Variants in PALLD observed in about 807,000 individuals in gnomAD.
The protein encoded by PALLD is palladin, cytoskeletal associated protein.
Under a neutral mutation model 123.5 loss-of-function variants are expected in PALLD, and 61 were observed. That is an observed-to-expected ratio of 0.49 (90% CI 0.40 to 0.61). The LOEUF (loss-of-function observed/expected upper bound fraction) is 0.61, where lower values mean the gene tolerates loss of function less well. PALLD is among the 20% of genes least tolerant of loss of function. PALLD has a pLI of 0.00. For synonymous variants in PALLD, 465 were observed against 496.4 expected, an observed-to-expected ratio of 0.94 and a Z score of 0.84; for missense variants, 1,273 against 1,377.0, an observed-to-expected ratio of 0.92 and a Z score of 1.20.
intron 10 of PALLD, among the ~76,000 whole-genome samples, chr4:168,731,663 C>G (rs1422243706): frequency 6.6e-6 from 1 of 152,238 alleles, no homozygotes; most frequent in African/African-American, 2.4e-5. Context: ...TTGCAAAAAA[C>G]TGTAAGTGAA....
chr4:168,803,034 G>GAAT (rs1315858633), intron 10 of PALLD, among the ~76,000 whole-genome samples: 1 of 152,178 alleles, frequency 6.6e-6, no homozygotes, highest in Non-Finnish European at 1.5e-5. Context: ...AATAATAGGT[G>GAAT]AATAGCAGCC....
At chr4:168,826,925 C>T in intron 10 of PALLD, among the ~76,000 whole-genome samples, 1 of 152,200 alleles carries the variant, frequency 6.6e-6, no homozygotes, top group East Asian at 1.9e-4. Flanking sequence ...TAGATGATCT[C>T]TTCAGCCCCC....
intron 1 of PALLD, among the ~76,000 whole-genome samples, chr4:168,506,904 C>T (rs1451202211): frequency 6.6e-6 from 1 of 152,196 alleles, no homozygotes; most frequent in Non-Finnish European, 1.5e-5. Context: ...TATTTTCTTT[C>T]CCAGCTTCCA....
At chr4:168,893,630 TA>T (rs1754511415) in intron 11 of PALLD, among the ~76,000 whole-genome samples, 1 of 152,216 alleles carries the variant, frequency 6.6e-6, no homozygotes, top group African/African-American at 2.4e-5. Flanking sequence ...CACTTGCTTA[TA>T]AAATGCTCCC....
At chr4:168,805,539 A>C (rs1042987455) in intron 10 of PALLD, among the ~76,000 whole-genome samples, 2 of 152,092 alleles carry the variant, frequency 1.3e-5, no homozygotes, top group Non-Finnish European at 2.9e-5. Flanking sequence ...ACTAATTTTC[A>C]CTGTTCTAAG....
chr4:168,759,231 A>G (rs1732467468), intron 10 of PALLD, among the ~76,000 whole-genome samples: 1 of 112,400 alleles, frequency 8.9e-6, no homozygotes, highest in Non-Finnish European at 1.8e-5. Context: ...ATATATATAT[A>G]TATATATATA....
chr4:168,873,660 C>T (rs577147408), intron 10 of PALLD, among the ~76,000 whole-genome samples: 6 of 152,300 alleles, frequency 3.9e-5, no homozygotes, highest in African/African-American at 7.2e-5. Flanking sequence ...TTTTAACAAA[C>T]GTTTTTTGTT....
intron 10 of PALLD, among the ~76,000 whole-genome samples, chr4:168,802,163 G>A (rs1299956101): frequency 6.6e-6 from 1 of 152,206 alleles, no homozygotes; most frequent in Non-Finnish European, 1.5e-5. Context: ...TTTTATCTGT[G>A]TAGTCAATAT....
intron 2 of PALLD, among the ~76,000 whole-genome samples, chr4:168,625,352 C>G (rs1354127583): frequency 6.6e-6 from 1 of 151,506 alleles, no homozygotes; most frequent in Admixed American, 6.6e-5. Context: ...AAAGCACAGG[C>G]AACAGAAGCA....
At chr4:168,642,559 G>A (rs1459395214) in intron 2 of PALLD, among the ~76,000 whole-genome samples, 3 of 151,966 alleles carry the variant, frequency 2.0e-5, no homozygotes, top group Non-Finnish European at 4.4e-5. Flanking sequence ...CCGCCACCAC[G>A]CCCAGCTAAT....
In PALLD at chr4:168,857,945, T is replaced by TTAC. The variant is rs769129786; in HGVS notation, c.1965-32974_1965-32972dup. Among the ~76,000 whole-genome samples, 27 of 152,362 alleles carry TTAC rather than the reference T, an allele frequency of 1.8e-4. No individual in the cohort carries two copies. The South Asian group carries it at 3.1e-3, about 18-fold the overall frequency. On this transcript the variant is annotated intron_variant, in intron 10 of 21. Transcript: ENST00000505667. ...ATGCACCTTAATGCTTTCCCTGGTG[T>TTAC]TACTATTACTACTGTTGGAAGCATC...
At chr4:168,818,074 G>GC (rs1742226962) in intron 10 of PALLD, among the ~76,000 whole-genome samples, 2 of 152,096 alleles carry the variant, frequency 1.3e-5, no homozygotes, top group Non-Finnish European at 2.9e-5. Context: ...AAAATAACCT[G>GC]CCCCCCACTT....
chr4:168,524,397 A>G (rs1409591248), intron 2 of PALLD, among the ~76,000 whole-genome samples: 2 of 152,204 alleles, frequency 1.3e-5, no homozygotes, highest in Non-Finnish European at 2.9e-5. Flanking sequence ...CCAATTGTCC[A>G]GTTACTGGTA....
chr4:168,716,290 C>A (rs889123331), intron 10 of PALLD, among the ~76,000 whole-genome samples: 3 of 152,122 alleles, frequency 2.0e-5, no homozygotes, highest in African/African-American at 7.2e-5. Flanking sequence ...TGGGACAGAT[C>A]AGCAGATAAA....
intron 2 of PALLD, among the ~76,000 whole-genome samples, chr4:168,664,126 A>G (rs980015369): frequency 1.3e-5 from 2 of 152,240 alleles, no homozygotes; most frequent in Admixed American, 1.3e-4. Flanking sequence ...CAATCCAGCC[A>G]TTTACTAAAC....
At chr4:168,792,766 CT>C (rs1293484507) in intron 10 of PALLD, among the ~76,000 whole-genome samples, 1 of 150,684 alleles carries the variant, frequency 6.6e-6, no homozygotes, top group African/African-American at 2.4e-5. Flanking sequence ...CTTTTTTTTT[CT>C]TTTTTTGTTT....
chr4:168,902,642 C>G lies in PALLD; in HGVS notation c.2473-1115C>G, dbSNP rs555599310. Among the ~76,000 whole-genome samples the G allele has an allele frequency of 3.3e-3, 496 of 152,232 alleles. 4 individuals carry two copies. Among genetic ancestry groups the G allele is most frequent in the African/African-American group, 0.01 (436 of 41,546 alleles). The stretch of plus-strand genomic sequence containing the variant: ...CCAGCCTGGGCAACGGAGCGAGACC[C>G]TGTCTCCAAAACAAAACAAAACCTT... On this transcript the variant is annotated intron_variant, in intron 14 of 21. Coordinates refer to ENST00000505667, the MANE Select transcript of PALLD (RefSeq NM_001166108.2).
intron 2 of PALLD, chr4:168,631,733 GGCCGGCCTTTTGGCA>G: frequency 1.0e-6 from 1 of 985,504 alleles, no homozygotes. Flanking sequence ...GCAGGCAAGG[GGCCGGCCTTTTGGCA>G]GCGCGGCTGC....
At chr4:168,732,757 A>G (rs746895472) in intron 10 of PALLD, among the ~76,000 whole-genome samples, 4 of 152,226 alleles carry the variant, frequency 2.6e-5, no homozygotes, top group Non-Finnish European at 4.4e-5. Context: ...AATATGACTC[A>G]TCAGAACATT....
Sources: allele counts gnomAD v4.1 joint callset (sites outside exome capture counted in the v4.1 genomes callset), GRCh38; gene constraint gnomAD v4.1.1; transcripts MANE v1.5; gene names NCBI Gene and HGNC (gene_info 2026-07-23, HGNC 2026-07-21).